The following REV1 variants were observed in gnomAD, a reference collection of about 807,000 sequenced individuals.
The protein encoded by REV1 is translesion synthesis protein REV1.
A neutral mutation model predicts 137.4 loss-of-function variants in REV1; 42 were observed. The observed-to-expected ratio is 0.31, with a 90% confidence interval of 0.24 to 0.40. The LOEUF is 0.40. Ranked by LOEUF, REV1 falls within the 10% of genes least tolerant of loss-of-function variation. The pLI is 1.00. For missense variants in REV1, 1,282 were observed against 1,490.1 expected (o/e 0.86, Z 2.30); for synonymous variants, 524 against 519.2 (o/e 1.01, Z -0.12).
At chr2:99,446,551 C>G (rs943938920) in intron 4 of REV1, among the ~76,000 whole-genome samples, 2 of 151,988 alleles carry the variant, frequency 1.3e-5, no homozygotes, top group African/African-American at 2.4e-5. Flanking sequence ...CTGGAGTGTA[C>G]TGGCGTGATC....
At chr2:99,401,442 G>GTA in intron 22 of REV1, 90 bp from the exon 23 acceptor site, 1 of 766,408 alleles carries the variant, frequency 1.3e-6, no homozygotes, top group Non-Finnish European at 1.9e-6. Context: ...ATTGACTTTG[G>GTA]CAAAAAAAAA....
intron 1 of REV1, among the ~76,000 whole-genome samples, chr2:99,479,369 C>A (rs1235657712): frequency 6.6e-6 from 1 of 150,496 alleles, no homozygotes; most frequent in Non-Finnish European, 1.5e-5. Context: ...GCAACAAAAT[C>A]TCGCCTGTCC....
At chr2:99,473,941 G>C (rs1178415876) in intron 1 of REV1, among the ~76,000 whole-genome samples, 2 of 152,152 alleles carry the variant, frequency 1.3e-5, no homozygotes, top group Non-Finnish European at 2.9e-5. Context: ...ATGCAATCCT[G>C]CTAGGTGTTC....
At chr2:99,454,343 A>G (rs1037718180) in intron 3 of REV1, among the ~76,000 whole-genome samples, 4 of 152,046 alleles carry the variant, frequency 2.6e-5, no homozygotes, top group African/African-American at 4.8e-5. Flanking sequence ...TGAGGTCAGG[A>G]GTTCAAGACC....
chr2:99,463,247 C>G (rs1398919434), intron 2 of REV1, among the ~76,000 whole-genome samples: 2 of 152,062 alleles, frequency 1.3e-5, no homozygotes, highest in East Asian at 1.9e-4. Context: ...TGGCTGGGCA[C>G]AGTGGCTCAC....
intron 1 of REV1, among the ~76,000 whole-genome samples, chr2:99,479,229 A>AG (rs1468135924): frequency 6.7e-6 from 1 of 149,266 alleles, no homozygotes; most frequent in African/African-American, 2.5e-5. Flanking sequence ...TTGGGGGCTG[A>AG]GGCAGAAGAA....
chr2:99,413,669 T>C (rs544211986), intron 12 of REV1, among the ~76,000 whole-genome samples: 44 of 152,214 alleles, frequency 2.9e-4, no homozygotes, highest in Non-Finnish European at 6.0e-4. Flanking sequence ...TAAAGGATAC[T>C]GATTAATTCT....
At chr2:99,485,336 T>C (rs1449111266) in intron 1 of REV1, among the ~76,000 whole-genome samples, 1 of 152,172 alleles carries the variant, frequency 6.6e-6, no homozygotes, top group African/African-American at 2.4e-5. Context: ...AAATAAATCA[T>C]TATGAAAAGA....
rs370314456 is a variant in REV1 at position 99,448,187 on chromosome 2, G to A, written c.350+1149C>T. ...ATACTTAATTTGTGGAACAGTTAAT[G>A]GAGGGTGTTATAATTAGTAAAAGCA... On this transcript the variant is annotated intron_variant, in intron 4 of 22. Coordinates refer to ENST00000258428, the MANE Select transcript of REV1 (RefSeq NM_016316.4). Among the ~76,000 whole-genome samples, 49 of 152,232 alleles carry A rather than the reference G, an allele frequency of 3.2e-4. No individual in the cohort carries two copies. The East Asian group carries it at 6.7e-3, about 21-fold the overall frequency.
chr2:99,444,395 C>T (rs1681922730), intron 4 of REV1, among the ~76,000 whole-genome samples: 1 of 152,194 alleles, frequency 6.6e-6, no homozygotes, highest in African/African-American at 2.4e-5. Flanking sequence ...TCTCGCTTTT[C>T]CTGCCCTACT....
At chr2:99,421,922 C>CA (rs1053556111) in intron 10 of REV1, among the ~76,000 whole-genome samples, 3 of 151,980 alleles carry the variant, frequency 2.0e-5, no homozygotes, top group Admixed American at 1.3e-4. Flanking sequence ...AATTTAAACA[C>CA]AAAAAAACAA....
intron 9 of REV1, among the ~76,000 whole-genome samples, chr2:99,427,994 G>A (rs1349597266): frequency 2.6e-5 from 4 of 152,030 alleles, no homozygotes; most frequent in African/African-American, 9.7e-5. Context: ...CAGAAGCCTA[G>A]TGCCTACACA....
intron 1 of REV1, among the ~76,000 whole-genome samples, chr2:99,465,707 A>G (rs2105157587): frequency 6.6e-6 from 1 of 152,332 alleles, no homozygotes; most frequent in African/African-American, 2.4e-5. Flanking sequence ...AAACAGCTAC[A>G]TTTTGGGCTA....
At chr2:99,423,877 C>T (rs1202435406) in intron 10 of REV1, among the ~76,000 whole-genome samples, 1 of 152,136 alleles carries the variant, frequency 6.6e-6, no homozygotes, top group Non-Finnish European at 1.5e-5. Context: ...AAAACCAGAA[C>T]CACAGACTAG....
chr2:99,447,992 G>A (rs1056389930), intron 4 of REV1, among the ~76,000 whole-genome samples: 1 of 152,088 alleles, frequency 6.6e-6, no homozygotes, highest in African/African-American at 2.4e-5. Context: ...CACCATGCCC[G>A]GCCAAGCATA....
At chr2:99,450,677 G>A (rs994147030) in intron 3 of REV1, among the ~76,000 whole-genome samples, 7 of 152,034 alleles carry the variant, frequency 4.6e-5, no homozygotes, top group South Asian at 2.1e-4. Flanking sequence ...AAATTTTCTA[G>A]TAACCTTATT....
chr2:99,405,808 G>A (rs1053544), intron 17 of REV1, 102 bp downstream of exon 17: 325,414 of 786,824 alleles, frequency 0.41, 68,766 homozygotes, highest in Admixed American at 0.6. Flanking sequence ...TTGGTTAAAC[G>A]GATGAAGAAA....
Position 99,435,746 on chromosome 2 carries a change from A to G in REV1, c.1321+88T>C, listed in dbSNP as rs964020653. 8.7e-6 allele frequency: 6 copies of G among 693,006 alleles called. No homozygotes were observed. The Admixed American group carries it at 9.9e-5, about 11-fold the overall frequency. 42.9% of individuals were successfully genotyped at this position (693,006 alleles called of 1,614,324 possible). On this transcript the variant is annotated intron_variant, in intron 7 of 22. Transcript: ENST00000258428. The stretch of plus-strand genomic sequence containing the variant: ...ACCGATTTTCCCAAGGAAAATCATA[A>G]TTTTTTAAAAAAAGATTTTGTAATC...
chr2:99,423,550 A>G (rs1366402490), intron 10 of REV1, among the ~76,000 whole-genome samples: 1 of 151,850 alleles, frequency 6.6e-6, no homozygotes, highest in Non-Finnish European at 1.5e-5. Flanking sequence ...AAGAAATTTG[A>G]GTCCTGAGTT....
Sources: allele counts gnomAD v4.1 joint callset (sites outside exome capture counted in the v4.1 genomes callset), GRCh38; gene constraint gnomAD v4.1.1; transcripts MANE v1.5; gene names NCBI Gene and HGNC (gene_info 2026-07-23, HGNC 2026-07-21).